EBF3: variants seen among roughly 807,000 people sequenced by gnomAD.
EBF3 encodes transcription factor COE3.
Under a neutral mutation model 77.1 loss-of-function variants are expected in EBF3, and 18 were observed. That is an observed-to-expected ratio of 0.23 (90% CI 0.16 to 0.35). The LOEUF (loss-of-function observed/expected upper bound fraction) is 0.35. EBF3 is among the 10% of genes least tolerant of loss of function. The pLI, the probability that EBF3 is intolerant of heterozygous loss-of-function variation, is 1.00. For missense variants in EBF3, 558 were observed against 860.0 expected, an observed-to-expected ratio of 0.65 and a Z score of 4.39; for synonymous variants, 350 against 343.5, an observed-to-expected ratio of 1.02 and a Z score of -0.21.
At chr10:129,929,411 G>T (rs768725823) in intron 6 of EBF3, among the ~76,000 whole-genome samples, 29 of 152,194 alleles carry the variant, frequency 1.9e-4, no homozygotes, top group East Asian at 1.9e-4. Flanking sequence ...TCACCATGTT[G>T]CCCAGGTTGG....
intron 10 of EBF3, among the ~76,000 whole-genome samples, chr10:129,856,375 T>C (rs753940567): frequency 5.9e-5 from 9 of 152,094 alleles, no homozygotes; most frequent in Admixed American, 5.2e-4. Context: ...GGTATATCCA[T>C]ACAATGGAAT....
At chr10:129,915,353 G>A (rs187198944) in intron 6 of EBF3, among the ~76,000 whole-genome samples, 1 of 152,270 alleles carries the variant, frequency 6.6e-6, no homozygotes, top group African/African-American at 2.4e-5. Flanking sequence ...AGGGGGAGCA[G>A]TGAGAAACCT....
At chr10:129,852,654 G>A (rs185058940) in intron 10 of EBF3, among the ~76,000 whole-genome samples, 6 of 152,184 alleles carry the variant, frequency 3.9e-5, no homozygotes, top group South Asian at 2.1e-4. Context: ...ACTTATAAAC[G>A]TCATTCAATT....
At position 129,962,199 on chromosome 10, in the gene EBF3, A is replaced by G; in HGVS notation, c.383T>C (p.Val128Ala). The G allele has an allele frequency of 6.2e-7, 1 of 1,614,150 alleles. No individual in the cohort carries two copies. The highest frequency in any genetic ancestry group is 8.5e-7 in the Non-Finnish European group (1 of 1,180,024). Residue 128 changes from valine (V) to alanine (A), a missense_variant, in exon 4 of 17, where the codon GTT becomes GCT. Transcript: ENST00000440978. The stretch of plus-strand genomic sequence containing the variant: ...TTTGGTCATTGAATCTATGAGGCGA[A>G]CATACAGATCTTGCTCTGTTCTGAC... ...NGVRTEQDLY[V>A]RLIDSMTKQA...
intron 7 of EBF3, among the ~76,000 whole-genome samples, chr10:129,875,273 C>T (rs1475837443): frequency 6.7e-6 from 1 of 149,510 alleles, no homozygotes; most frequent in Non-Finnish European, 1.5e-5. Flanking sequence ...CTCAGCTCAC[C>T]CCAACCTCCG....
At chr10:129,890,688 C>T (rs1853962084) in intron 6 of EBF3, among the ~76,000 whole-genome samples, 1 of 152,230 alleles carries the variant, frequency 6.6e-6, no homozygotes, top group African/African-American at 2.4e-5. Flanking sequence ...GCTTACAAAG[C>T]CTCTCTAAAT....
intron 6 of EBF3, among the ~76,000 whole-genome samples, chr10:129,936,737 TG>T (rs1428364797): frequency 7.8e-6 from 1 of 127,752 alleles, no homozygotes; most frequent in Admixed American, 7.7e-5. Flanking sequence ...CAGGGGGCTA[TG>T]GGGGGACCCT....
intron 6 of EBF3, among the ~76,000 whole-genome samples, chr10:129,930,772 T>C (rs1421333289): frequency 4.0e-5 from 6 of 148,374 alleles, no homozygotes; most frequent in African/African-American, 1.5e-4. Context: ...CTCATATACC[T>C]ATATCTATAC....
intron 6 of EBF3, among the ~76,000 whole-genome samples, chr10:129,911,124 G>A (rs1288857180): frequency 1.3e-5 from 2 of 152,336 alleles, no homozygotes; most frequent in Admixed American, 1.3e-4. Flanking sequence ...ACAGAGCAAA[G>A]CATGCCTCTG....
intron 6 of EBF3, among the ~76,000 whole-genome samples, chr10:129,928,519 T>C (rs1856815575): frequency 6.6e-6 from 1 of 152,210 alleles, no homozygotes; most frequent in Non-Finnish European, 1.5e-5. Flanking sequence ...CTCCCTGTTG[T>C]GGGGCAGAAA....
chr10:129,944,442 C>T lies in EBF3; in HGVS notation c.554+12816G>A, dbSNP rs1564914006. On this transcript the variant is annotated intron_variant, in intron 6 of 16. Coordinates refer to ENST00000440978, the MANE Select transcript of EBF3 (RefSeq NM_001375380.1). This position sits in a 1 kb window ranked among gnomAD's most constrained non-coding sequence, Gnocchi z 5.1. ...ATCTGATTTCAATTGGTGAGCAAACCTGCAGAAGTTTTTAATCATAAGGTA... is the reference window on the plus strand; with the variant it reads ...ATCTGATTTCAATTGGTGAGCAAACTTGCAGAAGTTTTTAATCATAAGGTA... Among the ~76,000 whole-genome samples, 1 of 152,172 alleles carries T rather than the reference C, an allele frequency of 6.6e-6. No individual in the cohort carries two copies. Among genetic ancestry groups the T allele is most frequent in the Non-Finnish European group, 1.5e-5 (1 of 68,040 alleles).
In EBF3 at chr10:129,842,823, C is replaced by T. The variant is rs1214361930; in HGVS notation, c.1194+314G>A. On this transcript the variant is annotated intron_variant, in intron 12 of 16. Transcript: ENST00000440978. The surrounding 1 kb of genome is among the most constrained non-coding windows in gnomAD (Gnocchi z 4.4). ...GTGTTCTGTCCTGCATGCTGTGGGG[C>T]GCCCATCCAGCCCTCCCTGGTTCCC... Among the ~76,000 whole-genome samples, 1 of 150,486 alleles carries T rather than the reference C, an allele frequency of 6.6e-6. No individual in the cohort carries two copies. The highest frequency in any genetic ancestry group is 1.5e-5 in the Non-Finnish European group (1 of 67,792).
chr10:129,944,565 T>C lies in EBF3; in HGVS notation c.554+12693A>G, dbSNP rs115843229. On this transcript the variant is annotated intron_variant, in intron 6 of 16. Transcript: ENST00000440978. This position sits in a 1 kb window ranked among gnomAD's most constrained non-coding sequence, Gnocchi z 5.1. ...AGAAGGAAATTTCTGTCATATTTCA[T>C]TATCACTCTTAGGGTAGGCTGAAGG... is the stretch of plus-strand genomic sequence containing the variant. 0.012 allele frequency among the ~76,000 whole-genome samples: 1,858 copies of C among 152,274 alleles called. 37 individuals carry two copies. Among genetic ancestry groups the C allele is most frequent in the African/African-American group, 0.042 (1,758 of 41,540 alleles).
chr10:129,934,291 C>T (rs575820715), intron 6 of EBF3, among the ~76,000 whole-genome samples: 3 of 152,214 alleles, frequency 2.0e-5, no homozygotes, highest in African/African-American at 7.2e-5. Context: ...TCCCCAGACA[C>T]TCAGAGCAAG....
At position 129,848,378 on chromosome 10, in the gene EBF3, G is replaced by A. The variant is rs1043438607; in HGVS notation, c.1128+14C>T. On this transcript the variant is annotated intron_variant, in intron 11 of 16. Coordinates refer to ENST00000440978, the MANE Select transcript of EBF3 (RefSeq NM_001375380.1). The surrounding 1 kb of genome is among the most constrained non-coding windows in gnomAD (Gnocchi z 4.4). ...CCCCACCATGAGCGGGGTGCCACTT[G>A]CTCTTTTACTAACCTTGGGTAACCT... is the stretch of plus-strand genomic sequence containing the variant. 3 of 1,613,854 alleles carry A rather than the reference G, an allele frequency of 1.9e-6. No individual in the cohort carries two copies. The highest frequency in any genetic ancestry group is 1.7e-6 in the Non-Finnish European group (2 of 1,179,742).
rs1224558693 is a variant in EBF3, at chr10:129,840,345, G to C, written c.1659C>G (p.Val553=). 6.3e-7 allele frequency: 1 copy of C among 1,578,730 alleles called. No homozygotes were observed. Among genetic ancestry groups the C allele is most frequent in the Admixed American group, 1.8e-5 (1 of 54,750 alleles). ...CGCTCTTCTGTTTCACTGCGGAGAT[G>C]ACATTGGCAGGTGAGAATGAGAAAA... ...HGIFSFSPAN[V]ISAVKQKSAF... Residue 553 remains valine, a synonymous_variant, in exon 15 of 17, where the codon GTC becomes GTG. Transcript: ENST00000440978.
intron 6 of EBF3, among the ~76,000 whole-genome samples, chr10:129,887,279 T>C (rs993738125): frequency 2.1e-4 from 32 of 152,186 alleles, no homozygotes; most frequent in Admixed American, 1.4e-3. Flanking sequence ...CACTATCTGT[T>C]TGAAGAGTAT....
At chr10:129,889,946 C>CCTTTT (rs1853893373) in intron 6 of EBF3, among the ~76,000 whole-genome samples, 1 of 82,880 alleles carries the variant, frequency 1.2e-5, no homozygotes, top group East Asian at 5.0e-4. Context: ...ATTGAAGTGC[C>CCTTTT]TTTTTTTTTT....
intron 6 of EBF3, among the ~76,000 whole-genome samples, chr10:129,919,887 T>C (rs1169180233): frequency 6.6e-6 from 1 of 152,164 alleles, no homozygotes; most frequent in Non-Finnish European, 1.5e-5. Flanking sequence ...CACCTGTAGA[T>C]GCCCCAGAGA....
Sources: allele counts gnomAD v4.1 joint callset (sites outside exome capture counted in the v4.1 genomes callset), GRCh38; gene constraint gnomAD v4.1.1; non-coding constraint Gnocchi (gnomAD v3.1); transcripts MANE v1.5; gene names NCBI Gene and HGNC (gene_info 2026-07-23, HGNC 2026-07-21).